The following FSD1L variants were observed in gnomAD, a reference collection of about 807,000 sequenced individuals.
FSD1L encodes the protein FSD1-like protein.
FSD1L carries 45 observed loss-of-function variants against 71.6 expected under a neutral mutation model. That is an observed-to-expected ratio of 0.63 (90% CI 0.49 to 0.81). The LOEUF (loss-of-function observed/expected upper bound fraction) is 0.81, where lower values mean the gene tolerates loss of function less well. Ranked by LOEUF, FSD1L falls within the 30% of genes least tolerant of loss-of-function variation. The probability of loss-of-function intolerance (pLI) is 0.00; values close to 1 mark genes in which losing one functional copy is unlikely to be tolerated. For synonymous variants in FSD1L, 197 were observed against 207.2 expected, an observed-to-expected ratio of 0.95 and a Z score of 0.42; for missense variants, 561 against 618.1, an observed-to-expected ratio of 0.91 and a Z score of 0.98.
At chr9:105,465,888 T>G (rs1266714170) in intron 3 of FSD1L, among the ~76,000 whole-genome samples, 1 of 152,106 alleles carries the variant, frequency 6.6e-6, no homozygotes, top group Non-Finnish European at 1.5e-5. Flanking sequence ...TTTTTTTTTT[T>G]TGAGACAAAG....
intron 1 of FSD1L, among the ~76,000 whole-genome samples, chr9:105,453,155 C>G (rs1380364641): frequency 6.8e-6 from 1 of 146,024 alleles, no homozygotes; most frequent in Admixed American, 7.1e-5. Context: ...TCTCTTGTTG[C>G]CCCAAATAAA....
At chr9:105,534,286 C>G (rs1247476733) in intron 10 of FSD1L, among the ~76,000 whole-genome samples, 1 of 151,602 alleles carries the variant, frequency 6.6e-6, no homozygotes, top group Non-Finnish European at 1.5e-5. Flanking sequence ...TGTTTTCAGC[C>G]TGCTTTGTAT....
At chr9:105,494,828 C>T (rs138043671) in intron 7 of FSD1L, among the ~76,000 whole-genome samples, 79 of 152,212 alleles carry the variant, frequency 5.2e-4, no homozygotes, top group East Asian at 3.9e-3. Flanking sequence ...TTTCGTGAAC[C>T]GCAAATGCTG....
At chr9:105,505,566 T>C (rs1321802381) in intron 7 of FSD1L, among the ~76,000 whole-genome samples, 1 of 152,176 alleles carries the variant, frequency 6.6e-6, no homozygotes, top group African/African-American at 2.4e-5. Context: ...GCCTGTTTTT[T>C]GAATTTTCTA....
chr9:105,495,232 C>T (rs911067345), intron 7 of FSD1L, among the ~76,000 whole-genome samples: 3 of 152,198 alleles, frequency 2.0e-5, no homozygotes, highest in African/African-American at 7.2e-5. Context: ...GCCTCGCTGC[C>T]ACCTTGCAGT....
At chr9:105,499,605 C>G (rs1833645081) in intron 7 of FSD1L, among the ~76,000 whole-genome samples, 2 of 151,696 alleles carry the variant, frequency 1.3e-5, no homozygotes, top group Admixed American at 6.6e-5. Flanking sequence ...TTTTCCTTGT[C>G]TTTGATTTTC....
chr9:105,535,570 A>C (rs940815622), intron 12 of FSD1L, among the ~76,000 whole-genome samples: 2 of 152,192 alleles, frequency 1.3e-5, no homozygotes, highest in African/African-American at 4.8e-5. Context: ...TTTAGTCTTC[A>C]GCACTAACAT....
intron 3 of FSD1L, among the ~76,000 whole-genome samples, chr9:105,467,078 A>G (rs1006565676): frequency 1.3e-5 from 2 of 152,146 alleles, no homozygotes; most frequent in African/African-American, 2.4e-5. Flanking sequence ...AGTGCCTTGT[A>G]TAAGGTCATG....
At chr9:105,515,463 G>T (rs868811623) in intron 10 of FSD1L, among the ~76,000 whole-genome samples, 3 of 152,198 alleles carry the variant, frequency 2.0e-5, no homozygotes, top group African/African-American at 7.2e-5. Flanking sequence ...GGTGATTTCT[G>T]CATTTCCAAC....
intron 12 of FSD1L, among the ~76,000 whole-genome samples, chr9:105,535,949 T>C (rs896067119): frequency 3.3e-5 from 5 of 152,212 alleles, no homozygotes; most frequent in African/African-American, 1.2e-4. Context: ...AAAATATTCT[T>C]CAGAATGACT....
intron 12 of FSD1L, among the ~76,000 whole-genome samples, chr9:105,538,413 A>G (rs1184979722): frequency 6.6e-6 from 1 of 152,200 alleles, no homozygotes; most frequent in African/African-American, 2.4e-5. Context: ...ATATAAAGAA[A>G]AGAGAGCATG....
At chr9:105,442,522 TAAA>T in the FSD1L span, among the ~76,000 whole-genome samples, 1 of 125,988 alleles carries the variant, frequency 7.9e-6, no homozygotes, top group Non-Finnish European at 1.7e-5. Context: ...CTACAAAACA[TAAA>T]AAAAAAAAAA....
rs146871658 is a variant in FSD1L, at chr9:105,545,738, G to A, written c.1468-620G>A. 4.7e-4 allele frequency among the ~76,000 whole-genome samples: 71 copies of A among 152,152 alleles called. No homozygotes were observed. The East Asian group carries it at 0.013, about 28-fold the overall frequency. On this transcript the variant is annotated intron_variant, in intron 13 of 13. Transcript: ENST00000481272. ...TGCTGGATTACGTTTATTGGTTTGC[G>A]TATGTTGAACCAGCCTAAGCAAAGC... is the stretch of plus-strand genomic sequence containing the variant.
rs1837225951 is a variant in FSD1L, at chr9:105,550,635, A to G, written c.*4152A>G. Reference sequence around the variant, plus strand: ...TTTGATTAACCTAAACAGTTTAAGCATTTTGAATTAGTTGGAGTTTAAATG... The same window carrying G: ...TTTGATTAACCTAAACAGTTTAAGCGTTTTGAATTAGTTGGAGTTTAAATG... On this transcript the variant is annotated 3_prime_UTR_variant, in exon 14 of 14. Transcript: ENST00000481272. 1 of 152,078 alleles carries G rather than the reference A, an allele frequency of 6.6e-6. No homozygotes were observed. The highest frequency in any genetic ancestry group is 2.1e-4 in the South Asian group (1 of 4,832). The allele number at this position is 152,078 out of a possible 1,614,324, so 9.4% of individuals were successfully genotyped here. A position where few individuals can be genotyped will look rare whatever the true frequency, so the allele number is the denominator to read the frequency against.
intron 10 of FSD1L, among the ~76,000 whole-genome samples, chr9:105,517,871 G>A (rs1285206338): frequency 6.6e-6 from 1 of 152,132 alleles, no homozygotes; most frequent in Non-Finnish European, 1.5e-5. Flanking sequence ...CTGGCAAACT[G>A]GATAAAGAGT....
chr9:105,485,533 G>GTTTTTTTTTTTTTTT (rs34268568), intron 7 of FSD1L, among the ~76,000 whole-genome samples: 1 of 79,412 alleles, frequency 1.3e-5, no homozygotes, highest in Non-Finnish European at 2.3e-5. Flanking sequence ...TTGGTTAGGT[G>GTTTTTTTTTTTTTTT]TTTTTTTTTT....
intron 12 of FSD1L, among the ~76,000 whole-genome samples, chr9:105,536,296 G>T (rs931577919): frequency 2.6e-5 from 4 of 152,134 alleles, no homozygotes; most frequent in African/African-American, 9.7e-5. Flanking sequence ...ATGTTCACAC[G>T]ATAATCCTTT....
intron 10 of FSD1L, chr9:105,522,798 A>G: frequency 6.2e-7 from 1 of 1,613,394 alleles, no homozygotes; most frequent in Non-Finnish European, 8.5e-7. Context: ...ATGACTTCGA[A>G]GTGGTAATGC....
chr9:105,494,490 T>G (rs1833205547), intron 7 of FSD1L, among the ~76,000 whole-genome samples: 2 of 152,240 alleles, frequency 1.3e-5, no homozygotes, highest in East Asian at 1.9e-4. Context: ...TGAGGCCTTC[T>G]TCTCTCAACT....
Sources: gnomAD v4.1 joint callset for allele counts (sites outside exome capture counted in the v4.1 genomes callset) on GRCh38, gnomAD v4.1.1 for gene constraint, MANE v1.5 for transcripts, NCBI Gene and HGNC (gene_info 2026-07-23, HGNC 2026-07-21) for gene names.